Variants in RPS3A observed in about 807,000 individuals in gnomAD.
RPS3A encodes the protein ribosomal protein S3A, also known as small ribosomal subunit protein eS1.
In RPS3A, 1 loss-of-function variant was observed where a neutral mutation model predicts 26.4. The ratio of observed to expected loss-of-function variants is 0.04; its 90% CI spans 0.01 to 0.18. The LOEUF (loss-of-function observed/expected upper bound fraction) is 0.18, where lower values mean the gene tolerates loss of function less well. Among genes scored for constraint, RPS3A ranks in the 10% least tolerant of loss-of-function variants. RPS3A has a pLI of 1.00. For synonymous variants in RPS3A, 97 were observed against 106.1 expected (o/e 0.91, Z 0.53); for missense variants, 139 against 326.8 (o/e 0.43, Z 4.43).
intron 3 of RPS3A, chr4:151,102,241 C>T (rs1001541648): frequency 7.5e-6 from 2 of 265,598 alleles, no homozygotes; most frequent in East Asian, 1.4e-4. Context: ...AAAATGCAAA[C>T]AAGGTAAATC....
At chr4:151,102,640 G>A (rs1482874284) in intron 3 of RPS3A, 2 of 512,990 alleles carry the variant, frequency 3.9e-6, no homozygotes, top group African/African-American at 3.9e-5. Context: ...AGGGTAGAAA[G>A]GAGGAGGGAG....
chr4:151,101,360 C>G (rs1160016248), intron 3 of RPS3A, among the ~76,000 whole-genome samples, 198 bp downstream of exon 3: 2 of 152,204 alleles, frequency 1.3e-5, no homozygotes, highest in Non-Finnish European at 2.9e-5. Flanking sequence ...ATTTTACTTA[C>G]TATTTAAATC....
chr4:151,103,783 A>C (rs769771591), intron 4 of RPS3A: 2 of 1,338,528 alleles, frequency 1.5e-6, no homozygotes, highest in South Asian at 2.3e-5. Context: ...CAAAGAAAAA[A>C]TACACTGAAT....
intron 4 of RPS3A, chr4:151,103,492 G>A (rs1380636548): frequency 6.1e-6 from 6 of 977,894 alleles, no homozygotes; most frequent in Non-Finnish European, 2.4e-6. Context: ...CTGACTTCAG[G>A]TGATCTGCCA....
intron 4 of RPS3A, 132 bp downstream of exon 4, chr4:151,103,211 T>A (rs1346014498): frequency 2.1e-6 from 3 of 1,408,982 alleles, no homozygotes; most frequent in Non-Finnish European, 2.8e-6. Context: ...CTATATCTCT[T>A]TAAGTGAAAG....
intron 3 of RPS3A, among the ~76,000 whole-genome samples, chr4:151,101,454 G>T (rs1214975061): frequency 6.6e-6 from 1 of 152,138 alleles, no homozygotes; most frequent in East Asian, 1.9e-4. Flanking sequence ...TTAGGTGCAG[G>T]TGGGCGGTTT....
chr4:151,104,439 G>GTTTGT, intron 5 of RPS3A, 33 bp from the exon 6 acceptor site: 3 of 710,328 alleles, frequency 4.2e-6, no homozygotes, highest in Non-Finnish European at 5.4e-6. Context: ...CAGTTTTTTG[G>GTTTGT]TTTTTTTTTT....
intron 3 of RPS3A, 59 bp downstream of exon 3, chr4:151,101,221 G>T: frequency 3.0e-6 from 3 of 1,011,044 alleles, no homozygotes; most frequent in Admixed American, 2.7e-5. Context: ...AGGATAGCAT[G>T]GTTTGATGAC....
intron 5 of RPS3A, 80 bp from the exon 6 acceptor site, chr4:151,104,392 G>A: frequency 6.9e-7 from 1 of 1,456,236 alleles, no homozygotes; most frequent in East Asian, 2.6e-5. Context: ...TGTCATGCTT[G>A]CATAGTAGTG....
chr4:151,104,444 T>TTG, intron 5 of RPS3A, 28 bp from the exon 6 acceptor site: 1 of 1,330,582 alleles, frequency 7.5e-7, no homozygotes, highest in Non-Finnish European at 9.7e-7. Flanking sequence ...TTTTGGTTTT[T>TTG]TTTTTTTTTT....
intron 4 of RPS3A, 190 bp from the exon 5 acceptor site, chr4:151,103,987 T>C: frequency 6.6e-7 from 1 of 1,515,690 alleles, no homozygotes; most frequent in Middle Eastern, 1.7e-4. Flanking sequence ...GCTAGCTATG[T>C]AATTCAGATC....
chr4:151,100,376 T>A (rs1207947656), intron 1 of RPS3A, 109 bp from the exon 2 acceptor site: 3 of 656,184 alleles, frequency 4.6e-6, no homozygotes, highest in Non-Finnish European at 8.1e-6. Flanking sequence ...TACTTTGGTA[T>A]CAAATTGCCG....
intron 3 of RPS3A, among the ~76,000 whole-genome samples, chr4:151,101,834 G>A (rs559854643): frequency 1.3e-5 from 2 of 152,236 alleles, no homozygotes; most frequent in South Asian, 2.1e-4. Flanking sequence ...CTGGGTTCAA[G>A]GGATTCTCAT....
chr4:151,099,804 A>G, intron 1 of RPS3A, 90 bp downstream of exon 1: 1 of 1,372,574 alleles, frequency 7.3e-7, no homozygotes, highest in Non-Finnish European at 1.0e-6. Context: ...CCGGATGGCG[A>G]GGATTCCAGT....
At chr4:151,103,974 C>T in intron 4 of RPS3A, 1 of 1,515,952 alleles carries the variant, frequency 6.6e-7, no homozygotes, top group South Asian at 1.2e-5. Context: ...AACTTTGCCA[C>T]TAGCTAGCTA....
At chr4:151,103,148 G>T (rs1385742944) in intron 4 of RPS3A, 69 bp downstream of exon 4, 1 of 1,530,336 alleles carries the variant, frequency 6.5e-7, no homozygotes, top group Admixed American at 1.9e-5. Context: ...ATGAGAGAAC[G>T]CATATGAGAC....
intron 3 of RPS3A, chr4:151,102,234 A>G (rs2149704075): frequency 3.6e-6 from 1 of 280,890 alleles, no homozygotes; most frequent in East Asian, 1.3e-4. Context: ...AATTTACAAA[A>G]TGCAAACAAG....
rs1162535661 is a variant in RPS3A at position 151,104,204 on chromosome 4, A to G, written c.591A>G (p.Ile197Met). ...KLIPDSIGKD[I>M]EKACQSIYPL... ...TTCCAGACAGCATTGGAAAAGACATAGAAAAGGCTTGCCAATCTATTTATC... is the reference window on the plus strand; with the variant it reads ...TTCCAGACAGCATTGGAAAAGACATGGAAAAGGCTTGCCAATCTATTTATC... The change falls in exon 5 of 6, where the codon ATA becomes ATG. Residue 197 changes from isoleucine to methionine, a missense_variant. Ile to Met is a conservative substitution (Grantham distance 10). Transcript: ENST00000274065. The G allele has an allele frequency of 6.2e-7, 1 of 1,611,802 alleles. No homozygotes were observed. The highest frequency in any genetic ancestry group is 8.5e-7 in the Non-Finnish European group (1 of 1,179,494).
rs189921736 is a variant in RPS3A at position 151,103,753 on chromosome 4, C to T, written c.564-424C>T. On this transcript the variant is annotated intron_variant, in intron 4 of 5. Coordinates refer to ENST00000274065, the MANE Select transcript of RPS3A (RefSeq NM_001006.5). ...CCTGTCCCAAAAAATAAAAAATATACGTATATATATATACACACACAAAGA... is the reference window on the plus strand; with the variant it reads ...CCTGTCCCAAAAAATAAAAAATATATGTATATATATATACACACACAAAGA... 433 of 1,194,552 alleles carry T rather than the reference C, an allele frequency of 3.6e-4. 4 individuals carry two copies. In the African/African-American group the frequency reaches 6.4e-3, roughly 18 times the overall value. The allele number at this position is 1,194,552 out of a possible 1,614,324, so 74.0% of individuals were successfully genotyped here. A position where few individuals can be genotyped will look rare whatever the true frequency, so the allele number is the denominator to read the frequency against.
Sources: gnomAD v4.1 joint callset for allele counts (sites outside exome capture counted in the v4.1 genomes callset) on GRCh38, gnomAD v4.1.1 for gene constraint, MANE v1.5 for transcripts, NCBI Gene and HGNC (gene_info 2026-07-23, HGNC 2026-07-21) for gene names.